POFUT3: variants seen among roughly 807,000 people sequenced by gnomAD.
The protein encoded by POFUT3 is GDP-fucose protein O-fucosyltransferase 3.
chr8:33,444,218 G>A, the POFUT3 span, among the ~76,000 whole-genome samples: 3 of 151,972 alleles, frequency 2.0e-5, no homozygotes, highest in Non-Finnish European at 2.9e-5. Context: ...AGGAGAGGAT[G>A]AGATCGCCTT....
chr8:33,380,026 T>TATATATATAC, the POFUT3 span, among the ~76,000 whole-genome samples: 5 of 74,562 alleles, frequency 6.7e-5, no homozygotes, highest in South Asian at 8.8e-4. Flanking sequence ...TATATATATA[T>TATATATATAC]ACTATATATA....
the POFUT3 span, among the ~76,000 whole-genome samples, chr8:33,405,996 T>C: frequency 0.44 from 66,274 of 151,734 alleles, 15,963 homozygotes; most frequent in East Asian, 0.7. Context: ...TAGTACGTAG[T>C]AAATTTTTAA....
the POFUT3 span, among the ~76,000 whole-genome samples, chr8:33,355,816 C>T: frequency 4.6e-5 from 7 of 152,212 alleles, no homozygotes; most frequent in African/African-American, 9.6e-5. Context: ...TGCTATCCCT[C>T]GCCCCTCCCC....
At chr8:33,461,723 A>C in the POFUT3 span, 1 of 1,301,210 alleles carries the variant, frequency 7.7e-7, no homozygotes, top group Non-Finnish European at 1.0e-6. Flanking sequence ...AATCAAAAAA[A>C]TTCTGCAACA....
chr8:33,432,556 T>G, the POFUT3 span, among the ~76,000 whole-genome samples: 1 of 152,226 alleles, frequency 6.6e-6, no homozygotes, highest in Non-Finnish European at 1.5e-5. Context: ...TTGGGAATGC[T>G]AGATTGGTTA....
At chr8:33,436,996 A>T in the POFUT3 span, among the ~76,000 whole-genome samples, 1 of 152,108 alleles carries the variant, frequency 6.6e-6, no homozygotes, top group Non-Finnish European at 1.5e-5. Flanking sequence ...TACCACTTAT[A>T]AGAGAGAACG....
At chr8:33,453,391 T>C in the POFUT3 span, 1 of 1,614,114 alleles carries the variant, frequency 6.2e-7, no homozygotes, top group African/African-American at 1.3e-5. Context: ...TGAAGGTCAA[T>C]CCTTCTTTCT....
the POFUT3 span, among the ~76,000 whole-genome samples, chr8:33,440,176 A>G: frequency 6.6e-6 from 1 of 152,126 alleles, no homozygotes; most frequent in Non-Finnish European, 1.5e-5. Flanking sequence ...CAGCCTGGGT[A>G]ACATATTGAG....
At chr8:33,433,645 T>A in the POFUT3 span, among the ~76,000 whole-genome samples, 6 of 149,036 alleles carry the variant, frequency 4.0e-5, no homozygotes, top group Non-Finnish European at 8.9e-5. Context: ...CTAGCCAGGC[T>A]TGGTGGCAGG....
At chr8:33,438,644 G>A in the POFUT3 span, among the ~76,000 whole-genome samples, 1 of 152,152 alleles carries the variant, frequency 6.6e-6, no homozygotes, top group Non-Finnish European at 1.5e-5. Context: ...TCGAGACTGG[G>A]TAATTTATAA....
the POFUT3 span, among the ~76,000 whole-genome samples, chr8:33,313,741 A>C: frequency 6.6e-6 from 1 of 152,182 alleles, no homozygotes; most frequent in South Asian, 2.1e-4. Flanking sequence ...AATTATCCTG[A>C]ATATAAACTC....
the POFUT3 span, among the ~76,000 whole-genome samples, chr8:33,425,805 G>A: frequency 2.0e-5 from 3 of 151,446 alleles, no homozygotes; most frequent in African/African-American, 7.3e-5. Flanking sequence ...GCATGCCTGT[G>A]GTCTCAGCTA....
the POFUT3 span, chr8:33,360,704 T>C: frequency 6.6e-6 from 1 of 152,166 alleles, no homozygotes; most frequent in Non-Finnish European, 1.5e-5. Context: ...CTACCTACTG[T>C]TTTATTCTTT....
At chr8:33,402,394 T>C in the POFUT3 span, among the ~76,000 whole-genome samples, 1 of 152,212 alleles carries the variant, frequency 6.6e-6, no homozygotes, top group Non-Finnish European at 1.5e-5. Flanking sequence ...AGCTATGACC[T>C]GGAGAAATAA....
chr8:33,420,192 T>C, the POFUT3 span, among the ~76,000 whole-genome samples: 1 of 152,208 alleles, frequency 6.6e-6, no homozygotes, highest in African/African-American at 2.4e-5. Flanking sequence ...GTGTCTCATA[T>C]ATCTAATGGA....
the POFUT3 span, among the ~76,000 whole-genome samples, chr8:33,337,279 C>T: frequency 1.1e-4 from 17 of 152,316 alleles, 1 homozygote; most frequent in South Asian, 3.1e-3. Context: ...CTAGTCCTCA[C>T]ATTTCACAAA....
chr8:33,456,117 T>C, the POFUT3 span, among the ~76,000 whole-genome samples: 101,924 of 151,974 alleles, frequency 0.67, 34,782 homozygotes, highest in African/African-American at 0.78. Flanking sequence ...GTTTGATCCA[T>C]GGGAGATGAC....
the POFUT3 span, among the ~76,000 whole-genome samples, chr8:33,415,119 G>A: frequency 2.0e-5 from 3 of 151,980 alleles, no homozygotes; most frequent in Non-Finnish European, 4.4e-5. Context: ...AAAACTAGCT[G>A]GCTGTGGTGG....
At chr8:33,457,400 G>GC in the POFUT3 span, among the ~76,000 whole-genome samples, 1 of 152,138 alleles carries the variant, frequency 6.6e-6, no homozygotes, top group African/African-American at 2.4e-5. Flanking sequence ...GGAGGATGAG[G>GC]CAGGAGGATC....
Sources: gnomAD v4.1 joint callset for allele counts (sites outside exome capture counted in the v4.1 genomes callset) on GRCh38, gnomAD v4.1.1 for gene constraint, MANE v1.5 for transcripts, NCBI Gene and HGNC (gene_info 2026-07-23, HGNC 2026-07-21) for gene names.